The following CTPS2 variants were observed in gnomAD, a reference collection of about 807,000 sequenced individuals.
CTPS2 encodes the protein CTP synthase II.
Under a neutral mutation model 46.8 loss-of-function variants are expected in CTPS2, and 19 were observed. That is an observed-to-expected ratio of 0.41 (90% CI 0.28 to 0.60). CTPS2 has a LOEUF of 0.60. Among genes scored for constraint, CTPS2 ranks in the 20% least tolerant of loss-of-function variants. CTPS2 has a pLI of 0.35. For synonymous variants in CTPS2, 151 were observed against 165.2 expected (o/e 0.91, Z 0.66); for missense variants, 286 against 447.6 (o/e 0.64, Z 3.26).
intron 13 of CTPS2, among the ~76,000 whole-genome samples, chrX:16,647,966 G>C (rs1218487596): frequency 9.0e-6 from 1 of 110,512 alleles, no homozygotes; most frequent in East Asian, 2.8e-4. Flanking sequence ...TCCGGGCATG[G>C]TGGCACATGC....
intron 14 of CTPS2, among the ~76,000 whole-genome samples, chrX:16,624,415 C>T (rs1208113494): frequency 9.0e-6 from 1 of 111,654 alleles, no homozygotes; most frequent in Non-Finnish European, 1.9e-5. Context: ...ACTAAGAATA[C>T]TCATTCTGGA....
intron 10 of CTPS2, among the ~76,000 whole-genome samples, chrX:16,671,576 G>A (rs1219066400): frequency 5.3e-5 from 5 of 94,959 alleles, no homozygotes; most frequent in Admixed American, 2.5e-4. Flanking sequence ...GTGCAGTGGC[G>A]CGATCTCGGC....
chrX:16,590,197 CTATTTTATTT>C (rs745669015), intron 18 of CTPS2, among the ~76,000 whole-genome samples: 1 of 107,943 alleles, frequency 9.3e-6, no homozygotes, highest in Admixed American at 9.9e-5. Context: ...AAATCAAATA[CTATTTTATTT>C]TATTTTATTT....
In CTPS2 at chrX:16,633,526, G is replaced by A. The variant is rs558392093; in HGVS notation, c.1393+5621C>T. Among the ~76,000 whole-genome samples the A allele has an allele frequency of 2.3e-4, 26 of 111,944 alleles. No individual in the cohort carries two copies. In the South Asian group the frequency reaches 7.9e-3, roughly 34 times the overall value. ...GTTTTGCTGGGACACAGCCGTGCTC[G>A]TTCACTCACATATTTGCCTGTAGCT... On this transcript the variant is annotated intron_variant, in intron 14 of 18. Transcript: ENST00000359276.
At chrX:16,709,863 A>AC (rs1925335954) in intron 1 of CTPS2, among the ~76,000 whole-genome samples, 1 of 107,867 alleles carries the variant, frequency 9.3e-6, no homozygotes, top group African/African-American at 3.4e-5. Context: ...AAAAAAAAAA[A>AC]AAAAAAAAAA....
intron 13 of CTPS2, among the ~76,000 whole-genome samples, chrX:16,644,652 G>A (rs192284165): frequency 2.1e-4 from 23 of 111,901 alleles, no homozygotes; most frequent in Admixed American, 5.7e-4. Context: ...GCTGGAAAAA[G>A]CAAGGAAATG....
intron 16 of CTPS2, among the ~76,000 whole-genome samples, chrX:16,614,252 C>T (rs183190385): frequency 2.7e-3 from 304 of 112,130 alleles, no homozygotes; most frequent in African/African-American, 9.2e-3. Flanking sequence ...ACAGCCTCCA[C>T]GACAAAGAAT....
intron 4 of CTPS2, among the ~76,000 whole-genome samples, chrX:16,695,622 G>C (rs1365765942): frequency 9.0e-6 from 1 of 110,594 alleles, no homozygotes; most frequent in East Asian, 2.8e-4. Context: ...CGCGATGTCG[G>C]CTCACTGCAA....
chrX:16,707,914 G>A (rs756010327), intron 1 of CTPS2, among the ~76,000 whole-genome samples: 20 of 111,451 alleles, frequency 1.8e-4, no homozygotes, highest in African/African-American at 6.2e-4. Flanking sequence ...GCCGGGAGGC[G>A]GAGGTTGCAG....
At chrX:16,598,826 C>G (rs12556028) in intron 17 of CTPS2, among the ~76,000 whole-genome samples, 70 of 111,337 alleles carry the variant, frequency 6.3e-4, no homozygotes, top group African/African-American at 2.2e-3. Flanking sequence ...ACTAGCAAAC[C>G]GAATCCAGCA....
chrX:16,703,750 A>C (rs1244807866), intron 1 of CTPS2, among the ~76,000 whole-genome samples: 3 of 111,533 alleles, frequency 2.7e-5, no homozygotes, highest in Non-Finnish European at 5.6e-5. Context: ...AGCTGTAGAT[A>C]CCTTCTGCAA....
chrX:16,682,972 C>T, intron 9 of CTPS2, 122 bp downstream of exon 9: 3 of 675,146 alleles, frequency 4.4e-6, no homozygotes, highest in Non-Finnish European at 6.4e-6. Context: ...CCTGTGAGTT[C>T]TTCTGGTGAA....
intron 14 of CTPS2, among the ~76,000 whole-genome samples, chrX:16,625,714 G>T (rs952103508): frequency 9.5e-6 from 1 of 105,676 alleles, no homozygotes. Context: ...CTCTCAGTGG[G>T]ATGGATGGGG....
chrX:16,629,939 C>T (rs1852593375), intron 14 of CTPS2, among the ~76,000 whole-genome samples: 1 of 111,999 alleles, frequency 8.9e-6, no homozygotes, highest in African/African-American at 3.2e-5. Context: ...CGAGGAAATG[C>T]AGAGAAGGTC....
At chrX:16,673,121 C>T (rs958763380) in intron 10 of CTPS2, among the ~76,000 whole-genome samples, 24 of 108,637 alleles carry the variant, frequency 2.2e-4, no homozygotes, top group Non-Finnish European at 4.0e-4. Context: ...CTCCTGACCT[C>T]GTGATCCGCC....
chrX:16,667,472 A>G, intron 13 of CTPS2, 42 bp downstream of exon 13: 2 of 1,191,002 alleles, frequency 1.7e-6, no homozygotes, highest in Non-Finnish European at 2.3e-6. Flanking sequence ...CCAGGACCCA[A>G]GTGACAATGA....
chrX:16,658,015 G>A (rs992305420), intron 13 of CTPS2, among the ~76,000 whole-genome samples: 1 of 111,313 alleles, frequency 9.0e-6, no homozygotes, highest in African/African-American at 3.3e-5. Context: ...AGACTAGCCT[G>A]GGCAGCATGG....
At chrX:16,634,726 A>T (rs1043875510) in intron 14 of CTPS2, among the ~76,000 whole-genome samples, 1 of 111,930 alleles carries the variant, frequency 8.9e-6, no homozygotes, top group Non-Finnish European at 1.9e-5. Flanking sequence ...AGGCAGGAGG[A>T]TCACCCTAAG....
At chrX:16,700,735 T>G in intron 2 of CTPS2, among the ~76,000 whole-genome samples, 1 of 111,340 alleles carries the variant, frequency 9.0e-6, no homozygotes, top group Non-Finnish European at 1.9e-5. Context: ...GTGAGTCTAT[T>G]CTTTGTGTCT....
Sources: gnomAD v4.1 joint callset for allele counts (sites outside exome capture counted in the v4.1 genomes callset) on GRCh38, gnomAD v4.1.1 for gene constraint, MANE v1.5 for transcripts, NCBI Gene and HGNC (gene_info 2026-07-23, HGNC 2026-07-21) for gene names.